Variants in SLC7A11 observed in about 807,000 individuals in gnomAD.
SLC7A11 encodes cystine/glutamate transporter.
SLC7A11 carries 35 observed loss-of-function variants against 54.5 expected under a neutral mutation model. That is an observed-to-expected ratio of 0.64 (90% CI 0.49 to 0.85). SLC7A11 has a LOEUF of 0.85. Ranked by LOEUF, SLC7A11 falls within the 40% of genes least tolerant of loss-of-function variation. The pLI, the probability that SLC7A11 is intolerant of heterozygous loss-of-function variation, is 0.00. For synonymous variants in SLC7A11, 230 were observed against 225.2 expected (o/e 1.02, Z -0.19); for missense variants, 583 against 618.1 (o/e 0.94, Z 0.60).
chr4:138,238,207 A>G (rs1309594422), intron 1 of SLC7A11, among the ~76,000 whole-genome samples: 3 of 152,208 alleles, frequency 2.0e-5, no homozygotes, highest in Non-Finnish European at 4.4e-5. Flanking sequence ...CTCTCTGTGA[A>G]ATGGAGATCT....
chr4:138,217,908 A>G (rs549019759), intron 5 of SLC7A11, among the ~76,000 whole-genome samples: 1 of 152,362 alleles, frequency 6.6e-6, no homozygotes, highest in South Asian at 2.1e-4. Flanking sequence ...TGTGCTTCAG[A>G]CAAAAGCAAA....
chr4:138,180,393 C>A (rs1736707376), intron 10 of SLC7A11, among the ~76,000 whole-genome samples: 2 of 152,048 alleles, frequency 1.3e-5, no homozygotes, highest in South Asian at 2.1e-4. Flanking sequence ...ACCAAACATT[C>A]ATTCATACAG....
At chr4:138,209,066 A>G (rs190673566) in intron 6 of SLC7A11, among the ~76,000 whole-genome samples, 7 of 152,202 alleles carry the variant, frequency 4.6e-5, no homozygotes, top group Admixed American at 2.6e-4. Flanking sequence ...AAGATGTCTC[A>G]AAATGAAATT....
At chr4:138,177,601 A>G (rs1428272030) in intron 11 of SLC7A11, 2 of 152,036 alleles carry the variant, frequency 1.3e-5, no homozygotes, top group Non-Finnish European at 2.9e-5. Flanking sequence ...TCAAAAATAA[A>G]TTCTCCATTT....
chr4:138,198,771 A>G (rs1313858928), intron 6 of SLC7A11, among the ~76,000 whole-genome samples: 1 of 152,186 alleles, frequency 6.6e-6, no homozygotes, highest in African/African-American at 2.4e-5. Flanking sequence ...CCAACCTAAT[A>G]CATTAAGAAA....
intron 10 of SLC7A11, 54 bp downstream of exon 10, chr4:138,180,587 G>A (rs1403553543): frequency 2.6e-6 from 4 of 1,554,466 alleles, no homozygotes; most frequent in Non-Finnish European, 3.5e-6. Flanking sequence ...ACAAAGGGAG[G>A]ACTAGGTATT....
chr4:138,219,631 T>C (rs1417367309), intron 4 of SLC7A11, among the ~76,000 whole-genome samples: 1 of 152,208 alleles, frequency 6.6e-6, no homozygotes, highest in Non-Finnish European at 1.5e-5. Context: ...TCTGTTTGAG[T>C]ATGCCTCTAT....
intron 7 of SLC7A11, among the ~76,000 whole-genome samples, chr4:138,184,225 C>T (rs1262899388): frequency 2.6e-5 from 4 of 151,958 alleles, no homozygotes; most frequent in East Asian, 1.9e-4. Context: ...GAGCAGTGGT[C>T]GAAGTCTTTT....
intron 4 of SLC7A11, among the ~76,000 whole-genome samples, chr4:138,220,403 T>G (rs1017875889): frequency 1.3e-5 from 2 of 152,120 alleles, no homozygotes; most frequent in African/African-American, 4.8e-5. Flanking sequence ...TACTCTCTTG[T>G]CCTTTACAGA....
At chr4:138,232,147 G>A (rs925094973) in intron 3 of SLC7A11, 120 bp downstream of exon 3, 2 of 732,098 alleles carry the variant, frequency 2.7e-6, no homozygotes, top group East Asian at 2.6e-5. Context: ...ATTTGGAACT[G>A]TAAGCAAAAA....
At chr4:138,192,917 A>T (rs1192415051) in intron 6 of SLC7A11, among the ~76,000 whole-genome samples, 1 of 152,182 alleles carries the variant, frequency 6.6e-6, no homozygotes, top group African/African-American at 2.4e-5. Context: ...TCATAATAAG[A>T]CAAGCAACGT....
intron 5 of SLC7A11, among the ~76,000 whole-genome samples, chr4:138,216,101 A>AT (rs1214147085): frequency 1.3e-5 from 2 of 152,136 alleles, no homozygotes; most frequent in Non-Finnish European, 2.9e-5. Flanking sequence ...TGACCATGAT[A>AT]TTCTCTTTGG....
intron 2 of SLC7A11, 54 bp downstream of exon 2, chr4:138,236,271 T>C (rs1468757019): frequency 1.3e-6 from 2 of 1,494,388 alleles, no homozygotes; most frequent in African/African-American, 1.4e-5. Context: ...ATCAAGGTGA[T>C]TCATAAGAAT....
chr4:138,227,480 G>A (rs1475095859), intron 3 of SLC7A11, among the ~76,000 whole-genome samples: 1 of 152,068 alleles, frequency 6.6e-6, no homozygotes. Context: ...TTATTTTATG[G>A]CAGACATTGT....
In SLC7A11 at chr4:138,164,578, G is replaced by A. The variant is rs1264047747; in HGVS notation, c.*7378C>T. On this transcript the variant is annotated 3_prime_UTR_variant, in exon 12 of 12. Transcript: ENST00000280612. ...TAGATAAATATCTTAGTTCTAATAT[G>A]ATTGGAATGTGGATGCAGAAATAAA... is the stretch of plus-strand genomic sequence containing the variant. 3 of 152,086 alleles carry A rather than the reference G, an allele frequency of 2.0e-5. No individual in the cohort carries two copies. The highest frequency in any genetic ancestry group is 4.4e-5 in the Non-Finnish European group (3 of 67,980). 9.4% of individuals were successfully genotyped at this position (152,086 alleles called of 1,614,324 possible). A position where few individuals can be genotyped will look rare whatever the true frequency, so the allele number is the denominator to read the frequency against.
At chr4:138,214,968 T>C (rs1737645831) in intron 5 of SLC7A11, among the ~76,000 whole-genome samples, 1 of 152,144 alleles carries the variant, frequency 6.6e-6, no homozygotes, top group African/African-American at 2.4e-5. Flanking sequence ...CCCAACCTGG[T>C]AGGTCAAAGG....
intron 11 of SLC7A11, 64 bp downstream of exon 11, chr4:138,179,153 G>A: frequency 3.6e-6 from 4 of 1,097,602 alleles, no homozygotes; most frequent in Non-Finnish European, 5.5e-6. Flanking sequence ...TATTATGTAT[G>A]CACACCTTTA....
rs974020376 is a variant in SLC7A11, at chr4:138,169,555, A to G, written c.*2401T>C. The G allele has an allele frequency of 6.6e-6, 1 of 152,048 alleles. No individual in the cohort carries two copies. Among genetic ancestry groups the G allele is most frequent in the African/African-American group, 2.4e-5 (1 of 41,348 alleles). 9.4% of individuals were successfully genotyped at this position (152,048 alleles called of 1,614,324 possible). A position where few individuals can be genotyped will look rare whatever the true frequency, so the allele number is the denominator to read the frequency against. ...AAAGAGAAATTCAAATCAAAAATAAATAAATTAAAGTCTGAGACCAATTTG... is the reference window on the plus strand; with the variant it reads ...AAAGAGAAATTCAAATCAAAAATAAGTAAATTAAAGTCTGAGACCAATTTG... On this transcript the variant is annotated 3_prime_UTR_variant, in exon 12 of 12. Coordinates refer to ENST00000280612, the MANE Select transcript of SLC7A11 (RefSeq NM_014331.4).
At position 138,164,151 on chromosome 4, in the gene SLC7A11, A is replaced by AAAT. The variant is rs201559796; in HGVS notation, c.*7802_*7804dup. The AAAT allele has an allele frequency of 2.6e-4, 39 of 148,782 alleles. No homozygotes were observed. In the East Asian group the frequency reaches 5.6e-3, roughly 21 times the overall value. 9.2% of individuals were successfully genotyped at this position (148,782 alleles called of 1,614,324 possible). A position where few individuals can be genotyped will look rare whatever the true frequency, so the allele number is the denominator to read the frequency against. On this transcript the variant is annotated 3_prime_UTR_variant, in exon 12 of 12. Transcript: ENST00000280612. ...TTTCCATTTAAAATATTTTCAAGTA[A>AAAT]AATATGTACAAAAATGGTTATAAAA...
Sources: allele counts gnomAD v4.1 joint callset (sites outside exome capture counted in the v4.1 genomes callset), GRCh38; gene constraint gnomAD v4.1.1; transcripts MANE v1.5; gene names NCBI Gene and HGNC (gene_info 2026-07-23, HGNC 2026-07-21).